Variants in PIGG observed in about 807,000 individuals in gnomAD.
The protein encoded by PIGG is phosphatidylinositol glycan anchor biosynthesis class G (EMM blood group).
In PIGG, 70 loss-of-function variants were observed where a neutral mutation model predicts 83.2. The observed-to-expected ratio is 0.84, with a 90% CI of 0.69 to 1.03. PIGG has a LOEUF of 1.03. PIGG is among the 50% of genes least tolerant of loss of function. The pLI, the probability that PIGG is intolerant of heterozygous loss-of-function variation, is 0.00. For missense variants in PIGG, 1,257 were observed against 1,233.6 expected (o/e 1.02, Z -0.28); for synonymous variants, 532 against 519.5 (o/e 1.02, Z -0.33).
Position 499,770 on chromosome 4 carries a change from C to T in PIGG, c.154+281C>T, listed in dbSNP as rs1488627787. 4.7e-6 allele frequency: 6 copies of T among 1,277,064 alleles called. No individual in the cohort carries two copies. The African/African-American group carries it at 7.8e-5, about 16-fold the overall frequency. 79.1% of individuals were successfully genotyped at this position (1,277,064 alleles called of 1,614,324 possible). A position where few individuals can be genotyped will look rare whatever the true frequency, so the allele number is the denominator to read the frequency against. ...GGGATCCAGCCTCTCCACTTCTACT[C>T]GTCCAGAGCTCCCGCCCCTTTCCTG... On this transcript the variant is annotated intron_variant, in intron 1 of 12. Coordinates refer to ENST00000453061, the MANE Select transcript of PIGG (RefSeq NM_001127178.3).
intron 12 of PIGG, among the ~76,000 whole-genome samples, chr4:534,235 C>CTGG: frequency 6.6e-6 from 1 of 152,266 alleles, no homozygotes; most frequent in Non-Finnish European, 1.5e-5. Context: ...CGGGGCCTCG[C>CTGG]TGGGCTGCCC....
rs201636801 is a variant in PIGG at position 521,699 on chromosome 4, C to T, written c.1372C>T (p.Arg458Cys). 8.1e-5 allele frequency: 131 copies of T among 1,614,080 alleles called. No homozygotes were observed. The African/African-American group carries it at 1.3e-3, about 16-fold the overall frequency. Residue 458 changes from arginine (R) to cysteine (C), a missense_variant, in exon 8 of 13, where the codon CGC (arginine) becomes TGC (cysteine). Coordinates refer to ENST00000453061, the MANE Select transcript of PIGG (RefSeq NM_001127178.3). ...LLLLSVPQAL[R>C]RKAELEVPLS... is the part of the protein sequence containing the mutation. Reference sequence around the variant, plus strand: ...CCTGCTCAGCGTCCCACAGGCACTGCGCAGAAAGGCTGAGCTGGAAGTCCC... The same window carrying T: ...CCTGCTCAGCGTCCCACAGGCACTGTGCAGAAAGGCTGAGCTGGAAGTCCC...
rs762430317 is a variant in PIGG at position 539,425 on chromosome 4, A to G, written c.*56A>G. ...GCTTAAAGTCTGCTGTTATTCTAAA[A>G]TGAAAGATATGAATTCAACAAAGTT... On this transcript the variant is annotated 3_prime_UTR_variant, in exon 13 of 13. Transcript: ENST00000453061. The G allele has an allele frequency of 9.6e-7, 1 of 1,043,846 alleles. No individual in the cohort carries two copies. Among genetic ancestry groups the G allele is most frequent in the East Asian group, 2.6e-5 (1 of 38,878 alleles). 64.7% of individuals were successfully genotyped at this position (1,043,846 alleles called of 1,614,324 possible).
chr4:528,499 A>T lies in PIGG; in HGVS notation c.2261+1269A>T. On this transcript the variant is annotated intron_variant, in intron 10 of 12. Transcript: ENST00000453061. The surrounding 1 kb of genome is among the most constrained non-coding windows in gnomAD (Gnocchi z 4.8). Reference sequence around the variant, plus strand: ...GGAGTAAGGGGTGGGAGTTAGGGTGACCTGAGGCCTGGCTGAGGCAGTGAG... The same window carrying T: ...GGAGTAAGGGGTGGGAGTTAGGGTGTCCTGAGGCCTGGCTGAGGCAGTGAG... 1 of 985,200 alleles carries T rather than the reference A, an allele frequency of 1.0e-6. No individual in the cohort carries two copies. The highest frequency in any genetic ancestry group is 1.2e-6 in the Non-Finnish European group (1 of 829,876). The allele number at this position is 985,200 out of a possible 1,614,324, so 61.0% of individuals were successfully genotyped here.
Position 509,023 on chromosome 4 carries a change from T to C in PIGG, c.901+53T>C. The C allele has an allele frequency of 1.3e-6, 2 of 1,490,692 alleles. 1 individual carries two copies. Among genetic ancestry groups the C allele is most frequent in the South Asian group, 2.4e-5 (2 of 82,182 alleles). The allele number at this position is 1,490,692 out of a possible 1,614,324, so 92.3% of individuals were successfully genotyped here. On this transcript the variant is annotated intron_variant, in intron 5 of 12. Coordinates refer to ENST00000453061, the MANE Select transcript of PIGG (RefSeq NM_001127178.3). The stretch of plus-strand genomic sequence containing the variant: ...GAAATTGTATTACATTTGTTTTCTA[T>C]AGTCTGGTTTTAATTTTGAAAACCT...
At chr4:535,993 G>A (rs1210567449) in intron 12 of PIGG, among the ~76,000 whole-genome samples, 1 of 152,194 alleles carries the variant, frequency 6.6e-6, no homozygotes, top group Non-Finnish European at 1.5e-5. Flanking sequence ...TGCGGGCAGG[G>A]CCCACGCACC....
chr4:530,744 A>G lies in PIGG; in HGVS notation c.2570A>G (p.Gln857Arg). The G allele has an allele frequency of 6.3e-7, 1 of 1,596,320 alleles. No individual in the cohort carries two copies. The highest frequency in any genetic ancestry group is 1.1e-5 in the South Asian group (1 of 89,976). Residue 857 changes from glutamine to arginine, a missense_variant and splice_region_variant, in exon 11 of 13, where the codon CAG becomes CGG. Physicochemically the swap from Gln to Arg is conservative, Grantham distance 43. Coordinates refer to ENST00000453061, the MANE Select transcript of PIGG (RefSeq NM_001127178.3). The stretch of plus-strand genomic sequence containing the variant: ...TTTGGTCAAGCATTCTTCTATTTTC[A>G]GGTAGGTTTTCATTATTATCATGGG... ...YWFGQAFFYF[Q>R]GNSNNIATVD...
intron 9 of PIGG, chr4:524,538 ACAT>A (rs1322534922): frequency 6.6e-6 from 1 of 152,300 alleles, no homozygotes; most frequent in Non-Finnish European, 1.5e-5. Flanking sequence ...GCACTTTTAA[ACAT>A]CAGCTCTCTT....
intron 3 of PIGG, chr4:506,861 C>G (rs989111029): frequency 2.2e-6 from 1 of 453,390 alleles, no homozygotes; most frequent in South Asian, 1.6e-5. Flanking sequence ...GTTACTTTAA[C>G]GCTGGGTACT....
intron 11 of PIGG, chr4:532,954 G>GTGGAAGGGTGTGGTCT (rs1729433285): frequency 1.9e-5 from 3 of 154,328 alleles, no homozygotes; most frequent in Admixed American, 6.5e-5. Context: ...TGGTCTTGGA[G>GTGGAAGGGTGTGGTCT]TGGAGAGGCG....
intron 12 of PIGG, chr4:537,177 G>C (rs1730870312): frequency 6.6e-6 from 1 of 152,200 alleles, no homozygotes; most frequent in Non-Finnish European, 1.5e-5. Flanking sequence ...TGTTTCAGTA[G>C]AGTAGGAAAA....
intron 5 of PIGG, among the ~76,000 whole-genome samples, chr4:512,590 G>A (rs939973293): frequency 2.6e-5 from 4 of 151,936 alleles, no homozygotes; most frequent in African/African-American, 4.8e-5. Flanking sequence ...GCCAAGGCGG[G>A]TGGATCACAA....
intron 6 of PIGG, 39 bp from the exon 7 acceptor site, chr4:521,017 T>C (rs762878973): frequency 7.5e-7 from 1 of 1,331,526 alleles, no homozygotes; most frequent in Admixed American, 1.7e-5. Context: ...ATGTTCACGG[T>C]GTGTGTGCGC....
Position 528,291 on chromosome 4 carries a change from C to G in PIGG, c.2261+1061C>G. ...AAAATACTGGTGATTATATTTAGGACCTGAAATCATAAGATTGTGGTCTTG... is the reference window on the plus strand; with the variant it reads ...AAAATACTGGTGATTATATTTAGGAGCTGAAATCATAAGATTGTGGTCTTG... On this transcript the variant is annotated intron_variant, in intron 10 of 12. Coordinates refer to ENST00000453061, the MANE Select transcript of PIGG (RefSeq NM_001127178.3). The surrounding 1 kb of genome is among the most constrained non-coding windows in gnomAD (Gnocchi z 4.8). 1 of 982,330 alleles carries G rather than the reference C, an allele frequency of 1.0e-6. No individual in the cohort carries two copies. Among genetic ancestry groups the G allele is most frequent in the Non-Finnish European group, 1.2e-6 (1 of 827,326 alleles). 60.9% of individuals were successfully genotyped at this position (982,330 alleles called of 1,614,324 possible). A position where few individuals can be genotyped will look rare whatever the true frequency, so the allele number is the denominator to read the frequency against.
rs369365520 is a variant in PIGG at position 523,518 on chromosome 4, G to A, written c.1674G>A (p.Thr558=). Residue 558 remains threonine (T), a synonymous_variant, in exon 9 of 13, where the codon ACG becomes ACA. Coordinates refer to ENST00000453061, the MANE Select transcript of PIGG (RefSeq NM_001127178.3). Reference sequence around the variant, plus strand: ...TAGACCTTCTTATTCTGTTGGGGACGGCGGGCCACGTCTTGAGCCTGGGCG... The same window carrying A: ...TAGACCTTCTTATTCTGTTGGGGACAGCGGGCCACGTCTTGAGCCTGGGCG... ...SELDLLILLG[T]AGHVLSLGAS... is the part of the protein sequence containing the mutation. The A allele has an allele frequency of 3.5e-5, 57 of 1,614,002 alleles. 1 individual carries two copies. In the Middle Eastern group the frequency reaches 4.9e-4, roughly 14 times the overall value.
intron 11 of PIGG, chr4:531,564 TCTC>T (rs1729070565): frequency 6.5e-6 from 1 of 152,734 alleles, no homozygotes; most frequent in Admixed American, 6.5e-5. Flanking sequence ...TCCATCCTCT[TCTC>T]CTTTCCTGGT....
intron 12 of PIGG, among the ~76,000 whole-genome samples, chr4:535,047 C>G (rs1380772497): frequency 6.6e-6 from 1 of 152,224 alleles, no homozygotes; most frequent in Non-Finnish European, 1.5e-5. Flanking sequence ...TCTTGCTCCC[C>G]CAAGAAAGGA....
At chr4:526,878 T>G in intron 9 of PIGG, 161 bp from the exon 10 acceptor site, 1 of 851,018 alleles carries the variant, frequency 1.2e-6, no homozygotes, top group Non-Finnish European at 1.8e-6. Context: ...TGTTACACTT[T>G]AAGAACCTTT....
chr4:514,181 G>A (rs111230572), intron 5 of PIGG, among the ~76,000 whole-genome samples: 76 of 152,188 alleles, frequency 5.0e-4, no homozygotes, highest in Middle Eastern at 6.8e-3. Flanking sequence ...TCTTTCATCC[G>A]TGCCCACACT....
Sources: allele counts gnomAD v4.1 joint callset (sites outside exome capture counted in the v4.1 genomes callset), GRCh38; gene constraint gnomAD v4.1.1; non-coding constraint Gnocchi (gnomAD v3.1); transcripts MANE v1.5; gene names NCBI Gene and HGNC (gene_info 2026-07-23, HGNC 2026-07-21).